Variants in SORCS3 observed in about 807,000 individuals in gnomAD.
SORCS3 encodes VPS10 domain-containing receptor SorCS3.
A neutral mutation model predicts 146.3 loss-of-function variants in SORCS3; 57 were observed. The observed-to-expected ratio is 0.39, with a 90% CI of 0.31 to 0.49. SORCS3 has a LOEUF of 0.49. SORCS3 is among the 20% of genes least tolerant of loss of function. SORCS3 has a pLI of 0.92. For missense variants in SORCS3, 1,341 were observed against 1,575.5 expected, an observed-to-expected ratio of 0.85 and a Z score of 2.52; for synonymous variants, 653 against 618.5, an observed-to-expected ratio of 1.06 and a Z score of -0.83.
chr10:104,882,132 G>C (rs543847837), intron 2 of SORCS3, among the ~76,000 whole-genome samples: 1 of 152,264 alleles, frequency 6.6e-6, no homozygotes, highest in South Asian at 2.1e-4. Context: ...GTTTTCTAGA[G>C]TAAAGTAAAT....
chr10:104,977,412 T>C lies in SORCS3; in HGVS notation c.873T>C (p.Tyr291=). 6.2e-7 allele frequency: 1 copy of C among 1,613,874 alleles called. No homozygotes were observed. Among genetic ancestry groups the C allele is most frequent in the South Asian group, 1.1e-5 (1 of 91,074 alleles). The change falls in exon 4 of 27, where the codon TAT becomes TAC. Residue 291 remains tyrosine, a synonymous_variant. Transcript: ENST00000369701. ...SSDEGATYQK[Y]RLTFYIQSLL... ...ACGAAGGGGCGACCTATCAGAAGTA[T>C]CGGCTCACCTTCTATATCCAGAGCC...
Position 105,255,743 on chromosome 10 carries a change from C to A in SORCS3, c.3279C>A (p.Val1093=), listed in dbSNP as rs2119762336. 1.9e-6 allele frequency: 3 copies of A among 1,613,820 alleles called. No homozygotes were observed. The highest frequency in any genetic ancestry group is 2.5e-6 in the Non-Finnish European group (3 of 1,179,892). Residue 1093 remains valine (V), a synonymous_variant, in exon 24 of 27, where the codon GTC becomes GTA. Coordinates refer to ENST00000369701, the MANE Select transcript of SORCS3 (RefSeq NM_014978.3). The part of the protein sequence containing the change: ...TLFNALNQNL[V]QFELKPGVQV... ...TTAATGCTCTCAACCAAAATTTGGT[C>A]CAGTTTGAGCTGAAGCCGGGGGTAC...
At chr10:104,997,472 A>G (rs923975849) in intron 4 of SORCS3, among the ~76,000 whole-genome samples, 2 of 152,176 alleles carry the variant, frequency 1.3e-5, no homozygotes, top group Admixed American at 6.5e-5. Flanking sequence ...CTAGGAAATC[A>G]AGTCTAGATC....
At chr10:105,180,856 C>T (rs746220716) in intron 14 of SORCS3, among the ~76,000 whole-genome samples, 2 of 152,206 alleles carry the variant, frequency 1.3e-5, no homozygotes, top group Non-Finnish European at 2.9e-5. Flanking sequence ...TATCAGTTCT[C>T]ATAGCCTGCC....
intron 1 of SORCS3, among the ~76,000 whole-genome samples, chr10:104,798,044 AG>A (rs1293540660): frequency 6.6e-6 from 1 of 152,158 alleles, no homozygotes; most frequent in Non-Finnish European, 1.5e-5. Flanking sequence ...AGGTAATTTC[AG>A]GGGTGATTTT....
intron 3 of SORCS3, among the ~76,000 whole-genome samples, chr10:104,967,249 G>C (rs1159556588): frequency 6.6e-6 from 1 of 152,104 alleles, no homozygotes; most frequent in Non-Finnish European, 1.5e-5. Flanking sequence ...GGTTAATAGG[G>C]TGTGTTTTCT....
intron 9 of SORCS3, among the ~76,000 whole-genome samples, chr10:105,155,228 T>C (rs1351320350): frequency 6.6e-6 from 1 of 152,214 alleles, no homozygotes; most frequent in African/African-American, 2.4e-5. Flanking sequence ...GTTAACCTGC[T>C]CACCTGGAAG....
At chr10:104,778,561 T>C (rs939007534) in intron 1 of SORCS3, among the ~76,000 whole-genome samples, 1 of 152,204 alleles carries the variant, frequency 6.6e-6, no homozygotes, top group African/African-American at 2.4e-5. Flanking sequence ...TGAGATAACA[T>C]GCATCAAAGC....
intron 20 of SORCS3, among the ~76,000 whole-genome samples, chr10:105,236,934 CT>C (rs1554888997): frequency 6.6e-5 from 10 of 152,180 alleles, no homozygotes; most frequent in Non-Finnish European, 1.2e-4. Flanking sequence ...AGCAATCAAT[CT>C]ATCTATCTAT....
chr10:105,115,829 A>C (rs571430870), intron 7 of SORCS3, among the ~76,000 whole-genome samples: 14 of 152,334 alleles, frequency 9.2e-5, no homozygotes, highest in African/African-American at 3.4e-4. Flanking sequence ...GATGTTTTAA[A>C]TGATGTTAAT....
At chr10:105,094,541 A>T (rs1235605389) in intron 6 of SORCS3, among the ~76,000 whole-genome samples, 1 of 152,140 alleles carries the variant, frequency 6.6e-6, no homozygotes, top group African/African-American at 2.4e-5. Context: ...CACTGAGGGG[A>T]CACACAGGTG....
chr10:105,067,129 C>T (rs1028988080), intron 5 of SORCS3, among the ~76,000 whole-genome samples: 4 of 152,202 alleles, frequency 2.6e-5, no homozygotes, highest in Non-Finnish European at 5.9e-5. Context: ...TATTTCTCTT[C>T]CATCTTGAAA....
At chr10:104,936,344 G>A (rs2019259941) in intron 3 of SORCS3, among the ~76,000 whole-genome samples, 1 of 152,106 alleles carries the variant, frequency 6.6e-6, no homozygotes, top group Non-Finnish European at 1.5e-5. Flanking sequence ...TAGAAGGAAG[G>A]TATGGAGGGG....
intron 7 of SORCS3, among the ~76,000 whole-genome samples, chr10:105,109,634 G>T (rs945726422): frequency 5.9e-5 from 9 of 151,954 alleles, no homozygotes; most frequent in African/African-American, 2.2e-4. Flanking sequence ...CTTTCCATGA[G>T]AATTTTTACT....
intron 4 of SORCS3, 58 bp from the exon 5 acceptor site, chr10:105,042,997 G>C: frequency 6.9e-7 from 1 of 1,456,900 alleles, no homozygotes; most frequent in South Asian, 1.1e-5. Context: ...GAAAACATCT[G>C]TATTCATGCC....
intron 2 of SORCS3, among the ~76,000 whole-genome samples, chr10:104,872,122 A>G (rs1388051144): frequency 6.6e-6 from 1 of 152,174 alleles, no homozygotes; most frequent in African/African-American, 2.4e-5. Flanking sequence ...CTGTCTACCC[A>G]TAACTGTAAT....
At chr10:105,067,097 T>C (rs2055527791) in intron 5 of SORCS3, among the ~76,000 whole-genome samples, 2 of 152,190 alleles carry the variant, frequency 1.3e-5, no homozygotes, top group African/African-American at 4.8e-5. Context: ...AATTTCTTAT[T>C]CTCTGCCACT....
At chr10:104,832,693 C>G (rs114209532) in intron 1 of SORCS3, among the ~76,000 whole-genome samples, 1 of 151,752 alleles carries the variant, frequency 6.6e-6, no homozygotes, top group Non-Finnish European at 1.5e-5. Context: ...CCTCCAGCCT[C>G]GGCAACGAGA....
At chr10:105,158,678 CA>C (rs1003413255) in intron 10 of SORCS3, among the ~76,000 whole-genome samples, 2 of 151,466 alleles carry the variant, frequency 1.3e-5, no homozygotes, top group African/African-American at 4.9e-5. Flanking sequence ...GGGGCAGAGG[CA>C]GGAGGGGGTT....
Sources: allele counts gnomAD v4.1 joint callset (sites outside exome capture counted in the v4.1 genomes callset), GRCh38; gene constraint gnomAD v4.1.1; transcripts MANE v1.5; gene names NCBI Gene and HGNC (gene_info 2026-07-23, HGNC 2026-07-21).